Variants in ADAD1 observed in about 807,000 individuals in gnomAD.
ADAD1 encodes adenosine deaminase domain containing 1, also known as adenosine deaminase domain-containing protein 1.
In ADAD1, 46 loss-of-function variants were observed where a neutral mutation model predicts 66.8. The ratio of observed to expected loss-of-function variants is 0.69; its 90% CI spans 0.54 to 0.88. ADAD1 has a LOEUF of 0.88. Ranked by LOEUF, ADAD1 falls within the 40% of genes least tolerant of loss-of-function variation. ADAD1 has a pLI of 0.00. For missense variants in ADAD1, 617 were observed against 681.8 expected (o/e 0.91, Z 1.06); for synonymous variants, 248 against 229.4 (o/e 1.08, Z -0.73).
chr4:122,419,106 TAGC>T (rs1796889387), intron 11 of ADAD1, among the ~76,000 whole-genome samples: 1 of 152,136 alleles, frequency 6.6e-6, no homozygotes, highest in Non-Finnish European at 1.5e-5. Context: ...CTATTCACAA[TAGC>T]AAAGACATGG....
In ADAD1 at chr4:122,429,564, G is replaced by T. The variant is rs1046642575; in HGVS notation, c.1618-62G>T. 1.1e-5 allele frequency: 11 copies of T among 986,636 alleles called. No individual in the cohort carries two copies. The African/African-American group carries it at 1.3e-4, about 12-fold the overall frequency. 61.1% of individuals were successfully genotyped at this position (986,636 alleles called of 1,614,324 possible). On this transcript the variant is annotated intron_variant, in intron 12 of 12. Coordinates refer to ENST00000296513, the MANE Select transcript of ADAD1 (RefSeq NM_139243.4). The stretch of plus-strand genomic sequence containing the variant: ...TTCAAGCTAAAGAAACAGTATTGGG[G>T]CTACTTTTCAGCAATCAAATGCTGC...
chr4:122,413,851 CATATAT>C (rs377322878), intron 10 of ADAD1, among the ~76,000 whole-genome samples: 66 of 126,608 alleles, frequency 5.2e-4, no homozygotes, highest in East Asian at 4.5e-3. Flanking sequence ...TATGATAGAT[CATATAT>C]ATATATATAT....
At position 122,423,651 on chromosome 4, in the gene ADAD1, C is replaced by T. The variant is rs1281786665; in HGVS notation, c.1617+2261C>T. Among the ~76,000 whole-genome samples the T allele has an allele frequency of 2.0e-5, 3 of 152,202 alleles. No individual in the cohort carries two copies. In the East Asian group the frequency reaches 5.8e-4, roughly 29 times the overall value. Reference sequence around the variant, plus strand: ...AAATACATAGTTCTTAATTTCAAAACTTTCTATAAAACTACAGTAATCAAG... The same window carrying T: ...AAATACATAGTTCTTAATTTCAAAATTTTCTATAAAACTACAGTAATCAAG... On this transcript the variant is annotated intron_variant, in intron 12 of 12. Transcript: ENST00000296513.
chr4:122,382,905 A>G (rs978110410), intron 4 of ADAD1, among the ~76,000 whole-genome samples: 2 of 152,184 alleles, frequency 1.3e-5, no homozygotes, highest in African/African-American at 4.8e-5. Flanking sequence ...TAAAACCTAG[A>G]TGTACATATT....
intron 5 of ADAD1, among the ~76,000 whole-genome samples, chr4:122,385,455 T>C (rs1795128740): frequency 6.6e-6 from 1 of 152,114 alleles, no homozygotes; most frequent in Non-Finnish European, 1.5e-5. Context: ...GTATTTTTAG[T>C]AGAGATGGGG....
chr4:122,391,866 T>C (rs557514669), intron 5 of ADAD1, among the ~76,000 whole-genome samples: 1 of 152,086 alleles, frequency 6.6e-6, no homozygotes, highest in African/African-American at 2.4e-5. Context: ...CGCGCCACCA[T>C]GCCCAGCTGA....
rs143278449 is a variant in ADAD1, at chr4:122,387,914, C to A, written c.529+3948C>A. ...AGCTGGGACTACAGGCACCTGCCAC[C>A]ACACCCAGCTAATTTTTTGTATTTT... On this transcript the variant is annotated intron_variant, in intron 5 of 12. Transcript: ENST00000296513. Among the ~76,000 whole-genome samples, 654 of 152,060 alleles carry A rather than the reference C, an allele frequency of 4.3e-3. 4 individuals carry two copies. Among genetic ancestry groups the A allele is most frequent in the African/African-American group, 0.015 (620 of 41,482 alleles).
intron 11 of ADAD1, among the ~76,000 whole-genome samples, chr4:122,416,776 A>G (rs973819886): frequency 4.6e-5 from 7 of 151,828 alleles, no homozygotes; most frequent in Non-Finnish European, 1.0e-4. Context: ...ACCCATAAAC[A>G]TTTCTTAGTA....
chr4:122,383,984 T>C lies in ADAD1; in HGVS notation c.529+18T>C. The C allele has an allele frequency of 6.3e-7, 1 of 1,583,978 alleles. No individual in the cohort carries two copies. Among genetic ancestry groups the C allele is most frequent in the South Asian group, 1.2e-5 (1 of 86,480 alleles). ...AACATCAGGTAAATACTCTTGATTA[T>C]AAAGTATTTATAAGAGGTATCATTT... On this transcript the variant is annotated intron_variant, in intron 5 of 12. Transcript: ENST00000296513.
At chr4:122,427,475 G>A (rs991967588) in intron 12 of ADAD1, among the ~76,000 whole-genome samples, 5 of 141,050 alleles carry the variant, frequency 3.5e-5, no homozygotes, top group African/African-American at 7.8e-5. Context: ...AGGGTTTTGT[G>A]TAGAAATTGA....
intron 10 of ADAD1, among the ~76,000 whole-genome samples, chr4:122,414,839 A>T (rs1796654879): frequency 6.6e-6 from 1 of 152,180 alleles, no homozygotes; most frequent in Non-Finnish European, 1.5e-5. Context: ...TAATTATTAT[A>T]ACTGAGAATT....
At chr4:122,411,852 G>GC (rs1291436673) in intron 9 of ADAD1, among the ~76,000 whole-genome samples, 2 of 152,134 alleles carry the variant, frequency 1.3e-5, no homozygotes, top group East Asian at 3.9e-4. Context: ...TTTTTGCTAT[G>GC]CTATGCTTTA....
intron 12 of ADAD1, among the ~76,000 whole-genome samples, chr4:122,428,284 T>C (rs1478067881): frequency 1.3e-5 from 2 of 152,170 alleles, no homozygotes; most frequent in Admixed American, 1.3e-4. Context: ...AAAAAGAAAT[T>C]GATCATTTGA....
chr4:122,424,202 C>G (rs1560608797), intron 12 of ADAD1, among the ~76,000 whole-genome samples: 1 of 152,124 alleles, frequency 6.6e-6, no homozygotes, highest in Non-Finnish European at 1.5e-5. Flanking sequence ...CAGTACTTCC[C>G]TAAATGGAAT....
At chr4:122,393,445 C>A in intron 5 of ADAD1, 144 bp from the exon 6 acceptor site, 1 of 525,818 alleles carries the variant, frequency 1.9e-6, no homozygotes, top group Non-Finnish European at 3.3e-6. Flanking sequence ...CAGGGCTGAG[C>A]TAATGAGTAT....
At chr4:122,415,354 T>G in intron 10 of ADAD1, 25 bp from the exon 11 acceptor site, 1 of 1,549,744 alleles carries the variant, frequency 6.5e-7, no homozygotes. Context: ...ATATTGAACT[T>G]GAGTGTTTTG....
chr4:122,402,771 C>T (rs1960859), intron 7 of ADAD1, among the ~76,000 whole-genome samples: 115,137 of 152,060 alleles, frequency 0.76, 43,777 homozygotes, highest in East Asian at 0.86. Context: ...TTTCTTCTAC[C>T]TCTTCTAGTC....
chr4:122,380,960 AC>A, intron 3 of ADAD1, 31 bp from the exon 4 acceptor site: 1 of 1,552,648 alleles, frequency 6.4e-7, no homozygotes, highest in Non-Finnish European at 8.6e-7. Context: ...TTTGTTTTAA[AC>A]CAAATTGACA....
chr4:122,420,771 C>T (rs1034182116), intron 11 of ADAD1, among the ~76,000 whole-genome samples: 26 of 152,178 alleles, frequency 1.7e-4, no homozygotes, highest in Non-Finnish European at 3.8e-4. Flanking sequence ...ACATAATATA[C>T]ACATACAGGA....
Sources: allele counts gnomAD v4.1 joint callset (sites outside exome capture counted in the v4.1 genomes callset), GRCh38; gene constraint gnomAD v4.1.1; transcripts MANE v1.5; gene names NCBI Gene and HGNC (gene_info 2026-07-23, HGNC 2026-07-21).